FBXO32: variants seen among roughly 807,000 people sequenced by gnomAD.
The protein encoded by FBXO32 is F-box only protein 32.
FBXO32 carries 15 observed loss-of-function variants against 48.3 expected under a neutral mutation model. The ratio of observed to expected loss-of-function variants is 0.31; its 90% CI spans 0.21 to 0.48. FBXO32 has a LOEUF of 0.48. Ranked by LOEUF, FBXO32 falls within the 20% of genes least tolerant of loss-of-function variation. The probability of loss-of-function intolerance (pLI) is 0.99; values close to 1 mark genes in which losing one functional copy is unlikely to be tolerated. For missense variants in FBXO32, 309 were observed against 432.7 expected (o/e 0.71, Z 2.54); for synonymous variants, 154 against 165.9 (o/e 0.93, Z 0.55).
At chr8:123,534,607 T>C (rs1817274945) in intron 2 of FBXO32, 95 bp downstream of exon 2, 1 of 712,812 alleles carries the variant, frequency 1.4e-6, no homozygotes, top group Non-Finnish European at 2.5e-6. Context: ...CTGAGGCAGA[T>C]GTGTGACATG....
intron 4 of FBXO32, among the ~76,000 whole-genome samples, chr8:123,523,461 G>A (rs560260916): frequency 0.017 from 2,523 of 152,122 alleles, 60 homozygotes; most frequent in African/African-American, 0.057. Flanking sequence ...ATGGTGGCGG[G>A]CACCTGTAAT....
At chr8:123,526,519 A>C (rs888267712) in intron 4 of FBXO32, among the ~76,000 whole-genome samples, 1 of 152,026 alleles carries the variant, frequency 6.6e-6, no homozygotes, top group Non-Finnish European at 1.5e-5. Context: ...GAGCCACCAC[A>C]CCCAGCCCAT....
rs554889326 is a variant in FBXO32, at chr8:123,504,499, G to A, written c.978+105C>T. 32 of 936,928 alleles carry A rather than the reference G, an allele frequency of 3.4e-5. No individual in the cohort carries two copies. The South Asian group carries it at 6.6e-4, about 19-fold the overall frequency. The allele number at this position is 936,928 out of a possible 1,614,324, so 58.0% of individuals were successfully genotyped here. On this transcript the variant is annotated intron_variant, in intron 8 of 8. Transcript: ENST00000517956. ...ACCCTCACTTTCAGCTGGGGGCTGT[G>A]ATGGGGAAGAGGCGGAAAGGCGCTG...
At chr8:123,518,260 T>C (rs1420494727) in intron 4 of FBXO32, among the ~76,000 whole-genome samples, 1 of 152,232 alleles carries the variant, frequency 6.6e-6, no homozygotes, top group African/African-American at 2.4e-5. Context: ...TGTATTCACA[T>C]AGCACTCATA....
chr8:123,522,205 C>CTTT (rs138504281), intron 4 of FBXO32, among the ~76,000 whole-genome samples: 26 of 115,280 alleles, frequency 2.3e-4, no homozygotes, highest in African/African-American at 3.6e-4. Context: ...ATCCTGGTTA[C>CTTT]TTTTTTTTTT....
At chr8:123,524,642 C>G (rs1292430359) in intron 4 of FBXO32, among the ~76,000 whole-genome samples, 1 of 152,162 alleles carries the variant, frequency 6.6e-6, no homozygotes, top group Non-Finnish European at 1.5e-5. Context: ...CCTCAGCCTC[C>G]AGAGTAGCTG....
At position 123,501,008 on chromosome 8, in the gene FBXO32, GTC is replaced by G. The variant is rs1273261272; in HGVS notation, c.*2363_*2364del. On this transcript the variant is annotated 3_prime_UTR_variant, in exon 9 of 9. Coordinates refer to ENST00000517956, the MANE Select transcript of FBXO32 (RefSeq NM_058229.4). ...CGTACAATCATGTGCACTGCTGACA[GTC>G]TAAATGACACCAGTGTCCCAGTTTT... is the stretch of plus-strand genomic sequence containing the variant. 1 of 152,224 alleles carries G rather than the reference GTC, an allele frequency of 6.6e-6. No individual in the cohort carries two copies. The highest frequency in any genetic ancestry group is 1.5e-5 in the Non-Finnish European group (1 of 68,052). 9.4% of individuals were successfully genotyped at this position (152,224 alleles called of 1,614,324 possible). A position where few individuals can be genotyped will look rare whatever the true frequency, so the allele number is the denominator to read the frequency against.
intron 1 of FBXO32, among the ~76,000 whole-genome samples, chr8:123,537,655 C>T (rs1446333301): frequency 1.3e-5 from 2 of 152,182 alleles, no homozygotes; most frequent in African/African-American, 4.8e-5. Context: ...ATTTCTAGAT[C>T]GCCACACTCA....
intron 7 of FBXO32, among the ~76,000 whole-genome samples, 161 bp from the exon 8 acceptor site, chr8:123,504,908 T>C (rs1816582907): frequency 6.6e-6 from 1 of 152,162 alleles, no homozygotes; most frequent in Admixed American, 6.5e-5. Flanking sequence ...AGTACCTGCT[T>C]AGCTCTCCTC....
chr8:123,511,712 G>A lies in FBXO32; in HGVS notation c.651+1486C>T, dbSNP rs1176883647. 2.6e-5 allele frequency among the ~76,000 whole-genome samples: 4 copies of A among 152,228 alleles called. No homozygotes were observed. The South Asian group carries it at 8.3e-4, about 32-fold the overall frequency. ...GCTGGTCTCGAACTCCTGACCTCAAGTGATCTGCCTGCCTCGGCCTCCCAA... is the reference window on the plus strand; with the variant it reads ...GCTGGTCTCGAACTCCTGACCTCAAATGATCTGCCTGCCTCGGCCTCCCAA... On this transcript the variant is annotated intron_variant, in intron 6 of 8. Transcript: ENST00000517956.
chr8:123,521,824 C>A (rs1047167461), intron 4 of FBXO32, among the ~76,000 whole-genome samples: 1 of 152,126 alleles, frequency 6.6e-6, no homozygotes, highest in East Asian at 1.9e-4. Context: ...CTCACATGCT[C>A]AATACCCAAG....
chr8:123,514,316 T>A lies in FBXO32; in HGVS notation c.390A>T (p.Ala130=), dbSNP rs368380550. Residue 130 remains alanine (A), a synonymous_variant, in exon 5 of 9, where the codon GCA becomes GCT. Coordinates refer to ENST00000517956, the MANE Select transcript of FBXO32 (RefSeq NM_058229.4). ...CACTCAGGGATGTGAGCTGTGACTTTGCTATCAGCTCCAACAGCTGAGGAT... is the reference window on the plus strand; with the variant it reads ...CACTCAGGGATGTGAGCTGTGACTTAGCTATCAGCTCCAACAGCTGAGGAT... ...NYVVRLLELI[A]KSQLTSLSGI... is the part of the protein sequence containing the mutation. 5.0e-6 allele frequency: 8 copies of A among 1,612,406 alleles called. No homozygotes were observed. The African/African-American group carries it at 8.0e-5, about 16-fold the overall frequency.
chr8:123,530,640 G>C, intron 4 of FBXO32, among the ~76,000 whole-genome samples: 1 of 152,194 alleles, frequency 6.6e-6, no homozygotes, highest in East Asian at 1.9e-4. Context: ...TTTTGAGACA[G>C]AGTCTCGCAC....
At chr8:123,531,814 T>G (rs1817215331) in intron 4 of FBXO32, 84 bp downstream of exon 4, 3 of 1,537,526 alleles carry the variant, frequency 2.0e-6, no homozygotes, top group Non-Finnish European at 2.6e-6. Flanking sequence ...AGTAATTTTT[T>G]GGGGAAACTA....
At chr8:123,526,121 G>A (rs1817070180) in intron 4 of FBXO32, among the ~76,000 whole-genome samples, 2 of 152,012 alleles carry the variant, frequency 1.3e-5, no homozygotes, top group African/African-American at 4.8e-5. Flanking sequence ...TCTTACCTAG[G>A]AGCAGGGTGC....
Position 123,503,280 on chromosome 8 carries a change from G to A in FBXO32, c.*93C>T. The A allele has an allele frequency of 9.6e-7, 1 of 1,037,294 alleles. No individual in the cohort carries two copies. Among genetic ancestry groups the A allele is most frequent in the South Asian group, 1.5e-5 (1 of 67,776 alleles). The allele number at this position is 1,037,294 out of a possible 1,614,324, so 64.3% of individuals were successfully genotyped here. ...GAAGTTTCGAGCCAATGTTTAAAAT[G>A]TACACTATTTACAAATGAAGTGTCC... is the stretch of plus-strand genomic sequence containing the variant. On this transcript the variant is annotated 3_prime_UTR_variant, in exon 9 of 9. Coordinates refer to ENST00000517956, the MANE Select transcript of FBXO32 (RefSeq NM_058229.4).
Position 123,509,635 on chromosome 8 carries a change from G to C in FBXO32, c.652-3061C>G, listed in dbSNP as rs138209747. Among the ~76,000 whole-genome samples, 588 of 152,312 alleles carry C rather than the reference G, an allele frequency of 3.9e-3. 4 individuals carry two copies. The highest frequency in any genetic ancestry group is 0.013 in the African/African-American group (555 of 41,562). ...GAATCATGTGAGCCCAGGAGGCCAAGGCTGCAGTGACCTAGGACCATGCCA... is the reference window on the plus strand; with the variant it reads ...GAATCATGTGAGCCCAGGAGGCCAACGCTGCAGTGACCTAGGACCATGCCA... On this transcript the variant is annotated intron_variant, in intron 6 of 8. Transcript: ENST00000517956.
Position 123,506,773 on chromosome 8 carries a change from C to T in FBXO32, c.652-199G>A, listed in dbSNP as rs555303733. 125 of 586,694 alleles carry T rather than the reference C, an allele frequency of 2.1e-4. No homozygotes were observed. The highest frequency in any genetic ancestry group is 1.3e-3 in the South Asian group (60 of 46,718). The allele number at this position is 586,694 out of a possible 1,614,324, so 36.3% of individuals were successfully genotyped here. A position where few individuals can be genotyped will look rare whatever the true frequency, so the allele number is the denominator to read the frequency against. On this transcript the variant is annotated intron_variant, in intron 6 of 8. Coordinates refer to ENST00000517956, the MANE Select transcript of FBXO32 (RefSeq NM_058229.4). The surrounding 1 kb of genome is among the most constrained non-coding windows in gnomAD (Gnocchi z 4.0). ...ATGACCCTCAATGAAGTGTGGAGTGCGCTGAGCTGAGTGGTGCCAGAGGGA... is the reference window on the plus strand; with the variant it reads ...ATGACCCTCAATGAAGTGTGGAGTGTGCTGAGCTGAGTGGTGCCAGAGGGA...
rs932306105 is a variant in FBXO32, at chr8:123,525,855, G to A, written c.372+6043C>T. On this transcript the variant is annotated intron_variant, in intron 4 of 8. Transcript: ENST00000517956. This position sits in a 1 kb window ranked among gnomAD's most constrained non-coding sequence, Gnocchi z 4.3. ...CAGATTTATAATTTGCTGGTTGATG[G>A]CATCTGGGGATGCCAGAGCCTGTTA... Among the ~76,000 whole-genome samples the A allele has an allele frequency of 2.6e-5, 4 of 152,144 alleles. No individual in the cohort carries two copies. The highest frequency in any genetic ancestry group is 2.0e-4 in the Admixed American group (3 of 15,266).
Sources: gnomAD v4.1 joint callset for allele counts (sites outside exome capture counted in the v4.1 genomes callset) on GRCh38, gnomAD v4.1.1 for gene constraint, Gnocchi (gnomAD v3.1) non-coding constraint, MANE v1.5 for transcripts, NCBI Gene and HGNC (gene_info 2026-07-23, HGNC 2026-07-21) for gene names.